Variants in CA10 observed in about 807,000 individuals in gnomAD.
The protein encoded by CA10 is carbonic anhydrase 10 (inactive).
CA10 carries 14 observed loss-of-function variants against 44.2 expected under a neutral mutation model. The ratio of observed to expected loss-of-function variants is 0.32; its 90% CI spans 0.21 to 0.50. The LOEUF (loss-of-function observed/expected upper bound fraction) is 0.50, where lower values mean the gene tolerates loss of function less well. Ranked by LOEUF, CA10 falls within the 20% of genes least tolerant of loss-of-function variation. The probability of loss-of-function intolerance (pLI) is 0.99; values close to 1 mark genes in which losing one functional copy is unlikely to be tolerated. For missense variants in CA10, 350 were observed against 409.7 expected (o/e 0.85, Z 1.26); for synonymous variants, 159 against 141.6 (o/e 1.12, Z -0.87).
At position 51,690,532 on chromosome 17, in the gene CA10, G is replaced by A. The variant is rs115616333; in HGVS notation, c.466-36796C>T. On this transcript the variant is annotated intron_variant, in intron 4 of 8. Coordinates refer to ENST00000451037, the MANE Select transcript of CA10 (RefSeq NM_020178.5). ...TCCCCATGTGTCATGGGAGAGGCCT[G>A]GTGGGAGGTAATCGAATCATGGGGA... Among the ~76,000 whole-genome samples the A allele has an allele frequency of 5.8e-3, 880 of 152,298 alleles. 5 individuals carry two copies. The highest frequency in any genetic ancestry group is 0.02 in the African/African-American group (838 of 41,564).
At chr17:52,054,200 C>T (rs1987159694) in intron 2 of CA10, among the ~76,000 whole-genome samples, 2 of 152,162 alleles carry the variant, frequency 1.3e-5, no homozygotes, top group African/African-American at 2.4e-5. Context: ...CAGCAAGGAA[C>T]ATCCCTGAGA....
At chr17:52,022,691 T>C (rs986628470) in intron 2 of CA10, among the ~76,000 whole-genome samples, 7 of 152,092 alleles carry the variant, frequency 4.6e-5, no homozygotes, top group African/African-American at 1.7e-4. Context: ...GATGACATGA[T>C]TTTATATCTA....
At chr17:52,080,074 A>G (rs1381671116) in intron 1 of CA10, among the ~76,000 whole-genome samples, 1 of 152,170 alleles carries the variant, frequency 6.6e-6, no homozygotes, top group Non-Finnish European at 1.5e-5. Flanking sequence ...ACAAAATTAT[A>G]TTTGTGTTGG....
rs1472557868 is a variant in CA10 at position 51,717,718 on chromosome 17, C to T, written c.465+29915G>A. Reference sequence around the variant, plus strand: ...ATATGCATGTATATATACATATATACGTATATATACATATATACGTATATA... The same window carrying T: ...ATATGCATGTATATATACATATATATGTATATATACATATATACGTATATA... On this transcript the variant is annotated intron_variant, in intron 4 of 8. Transcript: ENST00000451037. Among the ~76,000 whole-genome samples, 113 of 20,546 alleles carry T rather than the reference C, an allele frequency of 5.5e-3. 10 individuals carry two copies. The highest frequency in any genetic ancestry group is 0.015 in the African/African-American group (86 of 5,632). 13.5% of individuals were successfully genotyped at this position (20,546 alleles called of 152,430 possible).
intron 2 of CA10, among the ~76,000 whole-genome samples, chr17:52,024,902 A>G (rs1184604796): frequency 6.6e-6 from 1 of 151,888 alleles, no homozygotes; most frequent in Non-Finnish European, 1.5e-5. Context: ...ATGGTCATAA[A>G]GTAAAAATGA....
intron 1 of CA10, among the ~76,000 whole-genome samples, chr17:52,134,429 A>G (rs529677010): frequency 5.8e-4 from 89 of 152,258 alleles, no homozygotes; most frequent in Non-Finnish European, 1.2e-3. Context: ...TTCTGTCTTT[A>G]ACTAAATTAT....
chr17:52,001,038 T>G (rs1287804649), intron 2 of CA10, among the ~76,000 whole-genome samples: 2 of 152,066 alleles, frequency 1.3e-5, no homozygotes, highest in East Asian at 1.9e-4. Flanking sequence ...ATGCCTGACA[T>G]GTACTGAGCA....
rs550736313 is a variant in CA10, at chr17:51,809,645, G to T, written c.280-61827C>A. Among the ~76,000 whole-genome samples the T allele has an allele frequency of 3.3e-5, 5 of 152,298 alleles. No individual in the cohort carries two copies. In the South Asian group the frequency reaches 6.2e-4, roughly 19 times the overall value. ...TGCAGGACTGACAAACTCCTCAGTA[G>T]CTGGCAAAGCTTTCCTGAACAATGG... is the stretch of plus-strand genomic sequence containing the variant. On this transcript the variant is annotated intron_variant, in intron 3 of 8. Transcript: ENST00000451037.
chr17:51,836,406 A>G (rs989217016), intron 3 of CA10, among the ~76,000 whole-genome samples: 2 of 152,220 alleles, frequency 1.3e-5, no homozygotes, highest in African/African-American at 4.8e-5. Context: ...GCAGGACCCA[A>G]CGTGGAGGCA....
intron 4 of CA10, among the ~76,000 whole-genome samples, chr17:51,735,227 A>G (rs905462710): frequency 1.3e-5 from 2 of 152,234 alleles, no homozygotes; most frequent in African/African-American, 2.4e-5. Context: ...AAAGAACAGA[A>G]TCATGTCTTT....
At chr17:51,885,484 C>T (rs566868878) in intron 3 of CA10, among the ~76,000 whole-genome samples, 1 of 150,152 alleles carries the variant, frequency 6.7e-6, no homozygotes, top group African/African-American at 2.5e-5. Context: ...TCACCCCCAT[C>T]TACTCCTCTT....
intron 3 of CA10, among the ~76,000 whole-genome samples, chr17:51,810,955 G>A (rs1907336899): frequency 6.6e-6 from 1 of 152,238 alleles, no homozygotes; most frequent in South Asian, 2.1e-4. Context: ...GCTTACGCCT[G>A]TAATCCCAGC....
chr17:51,898,241 A>T (rs202131), intron 3 of CA10, among the ~76,000 whole-genome samples: 147,812 of 152,236 alleles, frequency 0.97, 71,783 homozygotes, highest in African/African-American at 0.99. Flanking sequence ...ATATGTTTTC[A>T]CAGTGTCTGG....
intron 3 of CA10, among the ~76,000 whole-genome samples, chr17:51,804,127 G>A (rs146579195): frequency 5.6e-4 from 85 of 152,266 alleles, no homozygotes; most frequent in African/African-American, 2.0e-3. Flanking sequence ...TATTTAAATG[G>A]TAAATTAGTC....
intron 4 of CA10, among the ~76,000 whole-genome samples, chr17:51,658,326 A>G (rs1054257156): frequency 6.6e-6 from 1 of 152,212 alleles, no homozygotes; most frequent in Non-Finnish European, 1.5e-5. Flanking sequence ...GTCCTCCTAG[A>G]GATAGTTTCA....
chr17:51,732,195 AC>A (rs1916745292), intron 4 of CA10, among the ~76,000 whole-genome samples: 1 of 152,212 alleles, frequency 6.6e-6, no homozygotes, highest in Admixed American at 6.5e-5. Flanking sequence ...ACTGGCAGAA[AC>A]GAAGGAGAGG....
At chr17:51,634,261 A>G (rs1345831325) in intron 7 of CA10, among the ~76,000 whole-genome samples, 2 of 152,320 alleles carry the variant, frequency 1.3e-5, no homozygotes, top group African/African-American at 4.8e-5. Flanking sequence ...TCTGATGTCA[A>G]TTTCTGATTT....
intron 1 of CA10, among the ~76,000 whole-genome samples, chr17:52,122,771 T>C (rs1989039738): frequency 6.6e-6 from 1 of 152,218 alleles, no homozygotes; most frequent in African/African-American, 2.4e-5. Context: ...TCAACTGCTA[T>C]GGCTTTTATT....
intron 4 of CA10, among the ~76,000 whole-genome samples, chr17:51,724,873 G>A (rs968543343): frequency 7.9e-5 from 12 of 152,086 alleles, no homozygotes; most frequent in South Asian, 2.1e-4. Flanking sequence ...TCTACTGGCC[G>A]CTCAGTAAAT....
Sources: allele counts gnomAD v4.1 joint callset (sites outside exome capture counted in the v4.1 genomes callset), GRCh38; gene constraint gnomAD v4.1.1; transcripts MANE v1.5; gene names NCBI Gene and HGNC (gene_info 2026-07-23, HGNC 2026-07-21).